Variants in ERI3 observed in about 807,000 individuals in gnomAD.
ERI3 encodes the protein ERI1 exoribonuclease 3.
In ERI3, 18 loss-of-function variants were observed where a neutral mutation model predicts 44.4. The ratio of observed to expected loss-of-function variants is 0.41; its 90% confidence interval spans 0.28 to 0.60. The LOEUF is 0.60. ERI3 is among the 20% of genes least tolerant of loss of function. The probability of loss-of-function intolerance (pLI) is 0.36; values close to 1 mark genes in which losing one functional copy is unlikely to be tolerated. For missense variants in ERI3, 294 were observed against 435.5 expected (o/e 0.68, Z 2.89); for synonymous variants, 183 against 164.8 (o/e 1.11, Z -0.84).
At chr1:44,304,326 G>A (rs1645789744) in intron 6 of ERI3, among the ~76,000 whole-genome samples, 1 of 152,080 alleles carries the variant, frequency 6.6e-6, no homozygotes, top group South Asian at 2.1e-4. Context: ...AAACAGAAAA[G>A]ACAACCAGGA....
rs1392044405 is a variant in ERI3 at position 44,354,239 on chromosome 1, G to C, written c.135+653C>G. On this transcript the variant is annotated intron_variant, in intron 1 of 8. Coordinates refer to ENST00000372257, the MANE Select transcript of ERI3 (RefSeq NM_024066.3). ...GGGAGACTGATTAAATGTCTGACAAGAGTAAATGCCATTGAAGTGGCCAGA... is the reference window on the plus strand; with the variant it reads ...GGGAGACTGATTAAATGTCTGACAACAGTAAATGCCATTGAAGTGGCCAGA... The C allele has an allele frequency of 6.1e-6, 6 of 985,316 alleles. No individual in the cohort carries two copies. The East Asian group carries it at 6.8e-4, about 112-fold the overall frequency. 61.0% of individuals were successfully genotyped at this position (985,316 alleles called of 1,614,324 possible).
intron 6 of ERI3, among the ~76,000 whole-genome samples, chr1:44,306,591 G>T (rs1045441483): frequency 2.6e-5 from 4 of 152,200 alleles, no homozygotes; most frequent in African/African-American, 9.7e-5. Context: ...AAAGAAGACA[G>T]CACCCTCTGA....
In ERI3 at chr1:44,244,838, C is replaced by T. The variant is rs563493646; in HGVS notation, c.931+3101G>A. On this transcript the variant is annotated intron_variant, in intron 8 of 8. Transcript: ENST00000372257. The stretch of plus-strand genomic sequence containing the variant: ...ACACCCGTCACCCCAAGTCTGCCTC[C>T]GTGTTCTCTCAGCACCTCCACACCA... 2.2e-4 allele frequency among the ~76,000 whole-genome samples: 33 copies of T among 152,242 alleles called. No individual in the cohort carries two copies. The Middle Eastern group carries it at 0.01, about 47-fold the overall frequency.
intron 4 of ERI3, among the ~76,000 whole-genome samples, chr1:44,313,707 T>A (rs1000041562): frequency 6.6e-6 from 1 of 152,168 alleles, no homozygotes; most frequent in Non-Finnish European, 1.5e-5. Context: ...TGAGCCTTGA[T>A]ATCCAGCACT....
chr1:44,231,854 A>G (rs1001740438), intron 8 of ERI3, among the ~76,000 whole-genome samples: 1 of 152,220 alleles, frequency 6.6e-6, no homozygotes, highest in Non-Finnish European at 1.5e-5. Flanking sequence ...CCTTCAAGGA[A>G]AATTTCTTAT....
chr1:44,264,575 G>A (rs1462588075), intron 7 of ERI3, among the ~76,000 whole-genome samples: 2 of 152,218 alleles, frequency 1.3e-5, no homozygotes, highest in East Asian at 3.8e-4. Context: ...ATGAAGCTCC[G>A]GGTGGGGTCT....
intron 7 of ERI3, chr1:44,256,635 A>G (rs1252996261): frequency 2.0e-5 from 3 of 152,236 alleles, no homozygotes; most frequent in Non-Finnish European, 4.4e-5. Context: ...TGCCTCCAAC[A>G]TGATGGCTGC....
chr1:44,225,674 C>A (rs1258467009), intron 8 of ERI3, among the ~76,000 whole-genome samples: 1 of 152,162 alleles, frequency 6.6e-6, no homozygotes, highest in Non-Finnish European at 1.5e-5. Flanking sequence ...AATCTCCACA[C>A]AGAAGGGTTG....
rs115166188 is a variant in ERI3 at position 44,334,588 on chromosome 1, A to G, written c.489+4457T>C. Among the ~76,000 whole-genome samples, 1,258 of 152,350 alleles carry G rather than the reference A, an allele frequency of 8.3e-3. 18 individuals are homozygous for G. The highest frequency in any genetic ancestry group is 0.028 in the African/African-American group (1,163 of 41,572). ...ACATTTAAGTGAAAAAAGTGTTTTC[A>G]AATGAAAAAGTCTCCTATTCAACCA... is the stretch of plus-strand genomic sequence containing the variant. On this transcript the variant is annotated intron_variant, in intron 3 of 8. Coordinates refer to ENST00000372257, the MANE Select transcript of ERI3 (RefSeq NM_024066.3).
At chr1:44,354,029 A>C in intron 1 of ERI3, 1 of 985,464 alleles carries the variant, frequency 1.0e-6, no homozygotes, top group South Asian at 4.7e-5. Flanking sequence ...CTAAGCTCCA[A>C]GCAAGAACCC....
rs545580469 is a variant in ERI3 at position 44,311,636 on chromosome 1, G to T, written c.666+1533C>A. On this transcript the variant is annotated intron_variant, in intron 5 of 8. Coordinates refer to ENST00000372257, the MANE Select transcript of ERI3 (RefSeq NM_024066.3). Reference sequence around the variant, plus strand: ...CTCCTCAAGACCACATCTCCTCCTCGACTGGGGCCACTGAGAAAAAAAACC... The same window carrying T: ...CTCCTCAAGACCACATCTCCTCCTCTACTGGGGCCACTGAGAAAAAAAACC... 5.3e-5 allele frequency among the ~76,000 whole-genome samples: 8 copies of T among 151,968 alleles called. No homozygotes were observed. In the East Asian group the frequency reaches 1.5e-3, roughly 29 times the overall value.
At chr1:44,332,646 T>C (rs1240356185) in intron 3 of ERI3, among the ~76,000 whole-genome samples, 1 of 152,260 alleles carries the variant, frequency 6.6e-6, no homozygotes, top group Non-Finnish European at 1.5e-5. Flanking sequence ...TACATTGCTA[T>C]GTCTGCTCCA....
chr1:44,292,963 G>A (rs1278583819), intron 6 of ERI3, among the ~76,000 whole-genome samples: 1 of 152,208 alleles, frequency 6.6e-6, no homozygotes, highest in East Asian at 1.9e-4. Flanking sequence ...ATCAGTGTGC[G>A]TGAAGCAGGA....
At chr1:44,245,136 C>T (rs1644528072) in intron 8 of ERI3, among the ~76,000 whole-genome samples, 1 of 152,196 alleles carries the variant, frequency 6.6e-6, no homozygotes, top group Non-Finnish European at 1.5e-5. Flanking sequence ...TACAGCGCGA[C>T]CCTTTTAGCA....
intron 8 of ERI3, among the ~76,000 whole-genome samples, chr1:44,229,481 A>G (rs1644125455): frequency 6.6e-6 from 1 of 152,204 alleles, no homozygotes; most frequent in South Asian, 2.1e-4. Context: ...CAAGGACCCC[A>G]GCCGCTGCCC....
intron 8 of ERI3, among the ~76,000 whole-genome samples, chr1:44,226,823 CTA>C (rs1386362532): frequency 8.6e-6 from 1 of 115,968 alleles, no homozygotes; most frequent in Non-Finnish European, 1.9e-5. Context: ...ACAAACTATC[CTA>C]TGTTTTCTTC....
chr1:44,224,503 C>T (rs1365422957), intron 8 of ERI3, among the ~76,000 whole-genome samples: 1 of 152,224 alleles, frequency 6.6e-6, no homozygotes, highest in Non-Finnish European at 1.5e-5. Flanking sequence ...CTTAGCGTCT[C>T]TAATACTTAG....
intron 7 of ERI3, among the ~76,000 whole-genome samples, chr1:44,259,481 T>C (rs146352229): frequency 1.2e-4 from 18 of 152,210 alleles, no homozygotes; most frequent in African/African-American, 4.3e-4. Flanking sequence ...TTTGTACTGT[T>C]TCCTAAGGCC....
intron 3 of ERI3, among the ~76,000 whole-genome samples, chr1:44,325,035 T>C (rs188477559): frequency 2.9e-4 from 44 of 151,762 alleles, no homozygotes; most frequent in Admixed American, 1.2e-3. Context: ...AGCATTCATC[T>C]ACCTTGTAAA....
Sources: allele counts gnomAD v4.1 joint callset (sites outside exome capture counted in the v4.1 genomes callset), GRCh38; gene constraint gnomAD v4.1.1; transcripts MANE v1.5; gene names NCBI Gene and HGNC (gene_info 2026-07-23, HGNC 2026-07-21).